Variants in CDKAL1 observed in about 807,000 individuals in gnomAD.
CDKAL1 encodes threonylcarbamoyladenosine tRNA methylthiotransferase.
A neutral mutation model predicts 68.2 loss-of-function variants in CDKAL1; 32 were observed. The observed-to-expected ratio is 0.47, with a 90% CI of 0.35 to 0.63. CDKAL1 has a LOEUF of 0.63. Ranked by LOEUF, CDKAL1 falls within the 30% of genes least tolerant of loss-of-function variation. The probability of loss-of-function intolerance (pLI) is 0.00; values close to 1 mark genes in which losing one functional copy is unlikely to be tolerated. For missense variants in CDKAL1, 606 were observed against 696.7 expected (o/e 0.87, Z 1.47); for synonymous variants, 234 against 244.3 (o/e 0.96, Z 0.39).
chr6:20,571,558 G>A (rs1318583518), intron 4 of CDKAL1, among the ~76,000 whole-genome samples: 1 of 151,616 alleles, frequency 6.6e-6, no homozygotes, highest in Non-Finnish European at 1.5e-5. Flanking sequence ...CATTTTGGGG[G>A]GAAAAGTACC....
chr6:20,765,763 G>A (rs576466663), intron 7 of CDKAL1, among the ~76,000 whole-genome samples: 2 of 152,246 alleles, frequency 1.3e-5, no homozygotes, highest in East Asian at 1.9e-4. Context: ...CCTTGGTTTG[G>A]AATAATACCA....
intron 15 of CDKAL1, among the ~76,000 whole-genome samples, chr6:21,205,373 C>T (rs1476907644): frequency 1.3e-5 from 2 of 152,162 alleles, no homozygotes; most frequent in Non-Finnish European, 2.9e-5. Context: ...TGAGGAGCTG[C>T]CATACTGTTT....
intron 9 of CDKAL1, among the ~76,000 whole-genome samples, chr6:20,887,859 C>G (rs1172271695): frequency 1.3e-5 from 2 of 151,120 alleles, no homozygotes; most frequent in Admixed American, 1.3e-4. Flanking sequence ...TCATAGCTCA[C>G]TGCAGCCTTG....
chr6:20,782,200 C>T (rs1235275158), intron 8 of CDKAL1, among the ~76,000 whole-genome samples: 1 of 152,174 alleles, frequency 6.6e-6, no homozygotes, highest in Admixed American at 6.5e-5. Context: ...GTTTATCCTC[C>T]ACACTGCTGT....
chr6:20,751,721 G>C lies in CDKAL1; in HGVS notation c.469-6874G>C, dbSNP rs192910903. Among the ~76,000 whole-genome samples the C allele has an allele frequency of 3.9e-5, 6 of 152,212 alleles. No homozygotes were observed. In the East Asian group the frequency reaches 9.6e-4, roughly 24 times the overall value. Reference sequence around the variant, plus strand: ...GACTCATTAATGTTATTTATGAATTGTTTATACACCAACTCCTTTCTTCAT... The same window carrying C: ...GACTCATTAATGTTATTTATGAATTCTTTATACACCAACTCCTTTCTTCAT... On this transcript the variant is annotated intron_variant, in intron 6 of 15. Coordinates refer to ENST00000274695, the MANE Select transcript of CDKAL1 (RefSeq NM_017774.3).
At chr6:20,732,153 C>T (rs1304044075) in intron 5 of CDKAL1, among the ~76,000 whole-genome samples, 1 of 151,896 alleles carries the variant, frequency 6.6e-6, no homozygotes, top group Non-Finnish European at 1.5e-5. Context: ...TCAAACTCTC[C>T]TTGCACCTCA....
chr6:21,007,482 CAAAAAAAA>C (rs147527333), intron 11 of CDKAL1, among the ~76,000 whole-genome samples: 2 of 84,546 alleles, frequency 2.4e-5, no homozygotes, highest in Non-Finnish European at 4.3e-5. Flanking sequence ...GACCCTGTCT[CAAAAAAAA>C]AAAAAAAAAA....
At chr6:21,163,348 A>G (rs1167046278) in intron 13 of CDKAL1, among the ~76,000 whole-genome samples, 1 of 152,120 alleles carries the variant, frequency 6.6e-6, no homozygotes, top group Non-Finnish European at 1.5e-5. Context: ...GCTGCTTTAG[A>G]CTGGATCCTG....
At chr6:20,830,285 T>C (rs1777660706) in intron 8 of CDKAL1, among the ~76,000 whole-genome samples, 1 of 152,214 alleles carries the variant, frequency 6.6e-6, no homozygotes, top group African/African-American at 2.4e-5. Flanking sequence ...CTCTTTTCCC[T>C]TTCTTCAAAC....
intron 8 of CDKAL1, among the ~76,000 whole-genome samples, chr6:20,812,887 T>C (rs146591021): frequency 7.9e-5 from 12 of 152,322 alleles, no homozygotes; most frequent in Non-Finnish European, 1.5e-4. Context: ...CTCCCATTTT[T>C]CTAGGGTGTG....
chr6:20,748,642 T>C (rs2150336370), intron 6 of CDKAL1, among the ~76,000 whole-genome samples: 1 of 126,304 alleles, frequency 7.9e-6, no homozygotes, highest in East Asian at 2.5e-4. Context: ...AATAGACACA[T>C]AGACGAATGG....
chr6:21,140,947 A>C (rs2151034219), intron 13 of CDKAL1, among the ~76,000 whole-genome samples: 1 of 152,290 alleles, frequency 6.6e-6, no homozygotes, highest in Non-Finnish European at 1.5e-5. Flanking sequence ...GAGAAGCAAA[A>C]GCGGAAACCC....
chr6:20,756,099 A>G (rs950286117), intron 6 of CDKAL1: 2 of 152,078 alleles, frequency 1.3e-5, no homozygotes, highest in Non-Finnish European at 2.9e-5. Flanking sequence ...CTTGTTCTCT[A>G]TTCATGTTTT....
chr6:20,710,810 G>C (rs1771811483), intron 5 of CDKAL1, among the ~76,000 whole-genome samples: 1 of 152,058 alleles, frequency 6.6e-6, no homozygotes, highest in Admixed American at 6.5e-5. Context: ...GTTTGGCCAA[G>C]TATTTTCAGT....
At chr6:21,029,957 C>T (rs1283325095) in intron 11 of CDKAL1, among the ~76,000 whole-genome samples, 1 of 151,980 alleles carries the variant, frequency 6.6e-6, no homozygotes, top group Non-Finnish European at 1.5e-5. Flanking sequence ...GATCTTTGAC[C>T]CAGCAATCTC....
At chr6:20,649,205 C>T in intron 4 of CDKAL1, 88 bp from the exon 5 acceptor site, 1 of 829,862 alleles carries the variant, frequency 1.2e-6, no homozygotes, top group South Asian at 1.5e-5. Flanking sequence ...TTTTTCTCTC[C>T]CCTACCGCAG....
At chr6:20,965,353 G>A (rs544165390) in intron 10 of CDKAL1, among the ~76,000 whole-genome samples, 9 of 121,164 alleles carry the variant, frequency 7.4e-5, no homozygotes, top group African/African-American at 2.4e-4. Context: ...AGGGAAGAGG[G>A]AAGACTGTAG....
intron 5 of CDKAL1, among the ~76,000 whole-genome samples, chr6:20,715,544 T>C (rs886193590): frequency 1.3e-5 from 2 of 152,232 alleles, no homozygotes; most frequent in African/African-American, 4.8e-5. Context: ...TATGAAGTGG[T>C]GATTTCATCT....
chr6:20,606,667 G>C (rs550449528), intron 4 of CDKAL1, among the ~76,000 whole-genome samples: 1 of 152,336 alleles, frequency 6.6e-6, no homozygotes, highest in Admixed American at 6.5e-5. Flanking sequence ...CTTAATGCGT[G>C]TTAGAAAATT....
Sources: allele counts gnomAD v4.1 joint callset (sites outside exome capture counted in the v4.1 genomes callset), GRCh38; gene constraint gnomAD v4.1.1; transcripts MANE v1.5; gene names NCBI Gene and HGNC (gene_info 2026-07-23, HGNC 2026-07-21).